FGG: variants seen among roughly 807,000 people sequenced by gnomAD.
FGG encodes fibrinogen gamma chain, also known as fibrinogen, gamma polypeptide.
A neutral mutation model predicts 51.7 loss-of-function variants in FGG; 20 were observed. The ratio of observed to expected loss-of-function variants is 0.39; its 90% CI spans 0.27 to 0.56. The LOEUF is 0.56. Ranked by LOEUF, FGG falls within the 20% of genes least tolerant of loss-of-function variation. FGG has a pLI of 0.64. For missense variants in FGG, 460 were observed against 534.2 expected, an observed-to-expected ratio of 0.86 and a Z score of 1.37; for synonymous variants, 184 against 184.7, an observed-to-expected ratio of 1.00 and a Z score of 0.03.
At chr4:154,607,926 T>C (rs1731130227) in intron 7 of FGG, among the ~76,000 whole-genome samples, 2 of 152,178 alleles carry the variant, frequency 1.3e-5, no homozygotes, top group Admixed American at 1.3e-4. Context: ...TCAAAAGAGC[T>C]AGCTGGTTTA....
chr4:154,610,217 A>T lies in FGG; in HGVS notation c.402-20T>A. Reference sequence around the variant, plus strand: ...AAATATCTACAAACAGAAACATAAGATAACAAAAATAAGAAGACAAAAATA... The same window carrying T: ...AAATATCTACAAACAGAAACATAAGTTAACAAAAATAAGAAGACAAAAATA... On this transcript the variant is annotated intron_variant, in intron 4 of 8. Coordinates refer to ENST00000336098, the MANE Select transcript of FGG (RefSeq NM_021870.3). The T allele has an allele frequency of 6.5e-7, 1 of 1,531,378 alleles. No homozygotes were observed. The highest frequency in any genetic ancestry group is 1.4e-5 in the African/African-American group (1 of 73,224). The allele number at this position is 1,531,378 out of a possible 1,614,324, so 94.9% of individuals were successfully genotyped here. A position where few individuals can be genotyped will look rare whatever the true frequency, so the allele number is the denominator to read the frequency against.
In FGG at chr4:154,605,054, G is replaced by A; in HGVS notation, c.1142C>T (p.Ser381Leu). The change falls in exon 9 of 9, where the codon TCA becomes TTA. Residue 381 changes from serine to leucine, a missense_variant. By Grantham distance (145) the Ser-to-Leu change is moderately radical. Transcript: ENST00000336098. ...NGVYYQGGTYSKASTPNGYDN... is the reference protein window; with the variant it reads ...NGVYYQGGTYLKASTPNGYDN... ...ATAACCATTAGGAGTAGATGCTTTT[G>A]AGTAAGTGCCACCTAAAACAAGTCG... is the stretch of plus-strand genomic sequence containing the variant. The A allele has an allele frequency of 1.2e-6, 2 of 1,613,918 alleles. No individual in the cohort carries two copies. Among genetic ancestry groups the A allele is most frequent in the Non-Finnish European group, 1.7e-6 (2 of 1,179,942 alleles).
intron 7 of FGG, 110 bp from the exon 8 acceptor site, chr4:154,607,092 T>C (rs1731114277): frequency 7.3e-7 from 1 of 1,378,500 alleles, no homozygotes; most frequent in Non-Finnish European, 9.7e-7. Flanking sequence ...TTCTTAAGGC[T>C]GAAATTTGCT....
At chr4:154,610,027 C>T in intron 5 of FGG, 40 bp downstream of exon 5, 1 of 1,612,436 alleles carries the variant, frequency 6.2e-7, no homozygotes, top group Non-Finnish European at 8.5e-7. Flanking sequence ...ACATTACTTA[C>T]TTTGATGAAC....
chr4:154,612,554 A>T lies in FGG; in HGVS notation c.56T>A (p.Phe19Tyr), dbSNP rs1334050634. Residue 19 changes from phenylalanine (F) to tyrosine (Y), a missense_variant, in exon 1 of 9, where the codon TTT becomes TAT. Coordinates refer to ENST00000336098, the MANE Select transcript of FGG (RefSeq NM_021870.3). ...NLILYFYALL[F>Y]LSSTCVAYVA... Reference sequence around the variant, plus strand: ...TACTGCTACACATGTTGAAGAGAGAAATAAAAGAGCATAGAAGTAGAGAAT... The same window carrying T: ...TACTGCTACACATGTTGAAGAGAGATATAAAAGAGCATAGAAGTAGAGAAT... The T allele has an allele frequency of 1.6e-5, 26 of 1,614,030 alleles. No individual in the cohort carries two copies. The highest frequency in any genetic ancestry group is 2.2e-5 in the Non-Finnish European group (26 of 1,179,916).
intron 7 of FGG, among the ~76,000 whole-genome samples, chr4:154,607,476 G>T (rs116720192): frequency 1.4e-3 from 210 of 152,278 alleles, no homozygotes; most frequent in Non-Finnish European, 2.5e-3. Flanking sequence ...CCTCAAATCA[G>T]TGTGGTAGTG....
chr4:154,606,652 T>C (rs925955541), intron 8 of FGG, 53 bp downstream of exon 8: 3 of 1,538,564 alleles, frequency 1.9e-6, no homozygotes, highest in Non-Finnish European at 2.7e-6. Context: ...TTATTTTTTA[T>C]GAAAATAGTA....
rs1327171764 is a variant in FGG at position 154,604,669 on chromosome 4, T to A, written c.*165A>T. ...AAACAATTTTTAAATAACTCTGATATCAGTAATTTGGAAATACAGTCCTAA... is the reference window on the plus strand; with the variant it reads ...AAACAATTTTTAAATAACTCTGATAACAGTAATTTGGAAATACAGTCCTAA... On this transcript the variant is annotated 3_prime_UTR_variant, in exon 9 of 9. Transcript: ENST00000336098. 7.1e-7 allele frequency: 1 copy of A among 1,416,860 alleles called. No individual in the cohort carries two copies. The highest frequency in any genetic ancestry group is 9.2e-7 in the Non-Finnish European group (1 of 1,084,284). 87.8% of individuals were successfully genotyped at this position (1,416,860 alleles called of 1,614,324 possible).
In FGG at chr4:154,612,296, T is replaced by G. The variant is rs1578812973; in HGVS notation, c.123+95A>C. The G allele has an allele frequency of 1.9e-6, 3 of 1,587,176 alleles. No homozygotes were observed. The East Asian group carries it at 6.7e-5, about 36-fold the overall frequency. On this transcript the variant is annotated intron_variant, in intron 2 of 8. Transcript: ENST00000336098. Reference sequence around the variant, plus strand: ...AAACCTAGACTATGTTTTTAAAAAGTTACAAGTGCCAGATGATATTTATGA... The same window carrying G: ...AAACCTAGACTATGTTTTTAAAAAGGTACAAGTGCCAGATGATATTTATGA...
Position 154,609,726 on chromosome 4 carries a change from G to A in FGG, c.570C>T (p.Ser190=), listed in dbSNP as rs750923281. Residue 190 remains serine, a synonymous_variant, in exon 6 of 9, where the codon AGC becomes AGT. Transcript: ENST00000336098. The stretch of plus-strand genomic sequence containing the variant: ...TCAGAGGTTTAATAAAGTAAAGCCC[G>A]CTCTGTTTAGCTCCCTTATTGGCAA... The part of the protein sequence containing the change: ...QDIANKGAKQ[S]GLYFIKPLKA... 5.6e-6 allele frequency: 9 copies of A among 1,613,798 alleles called. No homozygotes were observed. In the Admixed American group the frequency reaches 6.7e-5, roughly 12 times the overall value.
In FGG at chr4:154,609,907, C is replaced by T. The variant is rs913816861; in HGVS notation, c.533-144G>A. ...TTTTCACATCAGCATTCCTTTTAAA[C>T]TGTTTTTTTTAGCTATTCAAGAAAG... On this transcript the variant is annotated intron_variant, in intron 5 of 8. Coordinates refer to ENST00000336098, the MANE Select transcript of FGG (RefSeq NM_021870.3). The T allele has an allele frequency of 2.6e-6, 4 of 1,517,064 alleles. No homozygotes were observed. In the Admixed American group the frequency reaches 6.9e-5, roughly 26 times the overall value. 94.0% of individuals were successfully genotyped at this position (1,517,064 alleles called of 1,614,324 possible).
rs901769640 is a variant in FGG at position 154,612,325 on chromosome 4, A to G, written c.123+66T>C. 2.5e-6 allele frequency: 4 copies of G among 1,590,190 alleles called. No individual in the cohort carries two copies. In the Admixed American group the frequency reaches 6.7e-5, roughly 27 times the overall value. On this transcript the variant is annotated intron_variant, in intron 2 of 8. Transcript: ENST00000336098. ...AAGTGCCAGATGATATTTATGAGGG[A>G]ATTATTTCTATTCCTCTGCCCCTCT...
intron 7 of FGG, among the ~76,000 whole-genome samples, chr4:154,607,887 A>G (rs74409505): frequency 1.3e-5 from 2 of 152,302 alleles, no homozygotes; most frequent in South Asian, 2.1e-4. Flanking sequence ...ACCTTCAAAT[A>G]TCTCAAGCAA....
At chr4:154,611,255 A>G (rs1178726083) in intron 4 of FGG, 2 of 152,366 alleles carry the variant, frequency 1.3e-5, no homozygotes, top group African/African-American at 4.8e-5. Context: ...GCTTTAACAG[A>G]GACATTCACT....
Position 154,612,100 on chromosome 4 carries a change from T to G in FGG, c.225A>C (p.Gln75His). 6.2e-7 allele frequency: 1 copy of G among 1,612,844 alleles called. No individual in the cohort carries two copies. Among genetic ancestry groups the G allele is most frequent in the Non-Finnish European group, 8.5e-7 (1 of 1,179,710 alleles). ...TGACTTCTGATGTTTTGTTTTCAAC[T>G]TGATGTAAGATGTCTTCCAAAGACT... ...DLQSLEDILH[Q>H]VENKTSEVKQ... is the part of the protein sequence containing the mutation. The change falls in exon 3 of 9, where the codon CAA becomes CAC. Residue 75 changes from glutamine to histidine, a missense_variant. Gln to His is a conservative substitution (Grantham distance 24, BLOSUM62 0). Coordinates refer to ENST00000336098, the MANE Select transcript of FGG (RefSeq NM_021870.3).
chr4:154,612,281 T>A, intron 2 of FGG, 80 bp from the exon 3 acceptor site: 1 of 1,587,238 alleles, frequency 6.3e-7, no homozygotes, highest in Non-Finnish European at 8.6e-7. Context: ...AAACCTAGAC[T>A]ATGTTTTTAA....
chr4:154,605,707 C>CA (rs1731085230), intron 8 of FGG, among the ~76,000 whole-genome samples: 1 of 152,056 alleles, frequency 6.6e-6, no homozygotes, highest in Non-Finnish European at 1.5e-5. Context: ...TTTGTGAGTG[C>CA]AAAGATAAGT....
intron 5 of FGG, 67 bp from the exon 6 acceptor site, chr4:154,609,830 A>C (rs766747050): frequency 2.5e-6 from 4 of 1,609,552 alleles, no homozygotes; most frequent in Non-Finnish European, 3.4e-6. Flanking sequence ...GCCTTGAAAA[A>C]TAGCTTTTAA....
intron 4 of FGG, 160 bp downstream of exon 4, chr4:154,611,645 T>G (rs895204626): frequency 6.0e-5 from 35 of 583,738 alleles, no homozygotes; most frequent in Non-Finnish European, 9.0e-5. Flanking sequence ...TATATTGCAC[T>G]AAAAACTTCT....
Sources: allele counts gnomAD v4.1 joint callset (sites outside exome capture counted in the v4.1 genomes callset), GRCh38; gene constraint gnomAD v4.1.1; transcripts MANE v1.5; gene names NCBI Gene and HGNC (gene_info 2026-07-23, HGNC 2026-07-21).